Variants in SYT14 observed in about 807,000 individuals in gnomAD.
SYT14 encodes synaptotagmin 14, also known as synaptotagmin-14.
Under a neutral mutation model 74.2 loss-of-function variants are expected in SYT14, and 32 were observed. That is an observed-to-expected ratio of 0.43 (90% CI 0.33 to 0.58). The LOEUF (loss-of-function observed/expected upper bound fraction) is 0.58. Ranked by LOEUF, SYT14 falls within the 20% of genes least tolerant of loss-of-function variation. The pLI, the probability that SYT14 is intolerant of heterozygous loss-of-function variation, is 0.05. For synonymous variants in SYT14, 298 were observed against 337.7 expected, an observed-to-expected ratio of 0.88 and a Z score of 1.29; for missense variants, 791 against 981.8, an observed-to-expected ratio of 0.81 and a Z score of 2.60.
intron 5 of SYT14, among the ~76,000 whole-genome samples, chr1:210,087,726 C>G (rs1200552243): frequency 6.6e-6 from 1 of 152,180 alleles, no homozygotes; most frequent in Non-Finnish European, 1.5e-5. Flanking sequence ...GACTCCACTC[C>G]CTGGTATGGA....
chr1:210,025,880 GA>G (rs2080401130), intron 5 of SYT14, among the ~76,000 whole-genome samples: 1 of 152,056 alleles, frequency 6.6e-6, no homozygotes, highest in Non-Finnish European at 1.5e-5. Context: ...AGTTGACAGC[GA>G]AATTAATGTT....
intron 8 of SYT14, among the ~76,000 whole-genome samples, chr1:210,156,131 G>C (rs1022458515): frequency 1.3e-5 from 2 of 152,002 alleles, no homozygotes; most frequent in East Asian, 3.9e-4. Flanking sequence ...ATTTTTCATA[G>C]TATCTGCAAA....
exon 4 of SYT14, chr1:210,016,102 G>A (rs2080177322): frequency 8.1e-7 from 1 of 1,232,106 alleles, no homozygotes; most frequent in Non-Finnish European, 1.0e-6. Context: ...CTGCTGTTGG[G>A]GAGGTCAGCT....
chr1:210,024,691 A>G (rs149723769), intron 5 of SYT14, among the ~76,000 whole-genome samples: 130 of 152,336 alleles, frequency 8.5e-4, no homozygotes, highest in African/African-American at 2.9e-3. Flanking sequence ...AATAGAAACT[A>G]TGGGCATGAA....
At chr1:210,052,321 C>A (rs1393797740) in intron 5 of SYT14, among the ~76,000 whole-genome samples, 1 of 151,030 alleles carries the variant, frequency 6.6e-6, no homozygotes, top group Non-Finnish European at 1.5e-5. Context: ...CCCGGGTTCA[C>A]GCCATTCTCT....
intron 1 of SYT14, among the ~76,000 whole-genome samples, chr1:209,945,172 A>G (rs2078803460): frequency 6.6e-6 from 1 of 152,136 alleles, no homozygotes; most frequent in Non-Finnish European, 1.5e-5. Context: ...AGTATACAAG[A>G]TGAAAGCTAT....
chr1:209,972,359 TCTA>T (rs2079271239), intron 2 of SYT14, among the ~76,000 whole-genome samples: 1 of 152,018 alleles, frequency 6.6e-6, no homozygotes, highest in South Asian at 2.1e-4. Flanking sequence ...TTCCTTCAGT[TCTA>T]CTCTGATTTT....
intron 4 of SYT14, among the ~76,000 whole-genome samples, chr1:210,018,235 G>A (rs2080228274): frequency 1.3e-5 from 2 of 152,190 alleles, no homozygotes; most frequent in African/African-American, 4.8e-5. Flanking sequence ...CCGGGTTCAA[G>A]CGATTCTCCT....
chr1:210,132,665 C>A (rs1558211596), intron 7 of SYT14, among the ~76,000 whole-genome samples: 1 of 150,832 alleles, frequency 6.6e-6, no homozygotes, highest in Non-Finnish European at 1.5e-5. Context: ...TCAGATAATT[C>A]AGATATTTCC....
chr1:210,140,808 A>G (rs2082899015), intron 7 of SYT14, among the ~76,000 whole-genome samples: 1 of 152,132 alleles, frequency 6.6e-6, no homozygotes, highest in African/African-American at 2.4e-5. Context: ...AATTGCCCAT[A>G]AATGTAAGTT....
At chr1:209,948,741 G>A (rs141446380) in intron 1 of SYT14, among the ~76,000 whole-genome samples, 9 of 151,760 alleles carry the variant, frequency 5.9e-5, no homozygotes, top group East Asian at 3.9e-4. Context: ...ACTTTTGGGC[G>A]TCTCCATTTA....
chr1:209,953,609 G>A (rs1405048847), intron 2 of SYT14, among the ~76,000 whole-genome samples: 1 of 152,112 alleles, frequency 6.6e-6, no homozygotes, highest in Non-Finnish European at 1.5e-5. Flanking sequence ...GGCATGGCAG[G>A]AAAATATCAG....
intron 1 of SYT14, among the ~76,000 whole-genome samples, chr1:209,941,652 C>T (rs915184001): frequency 5.9e-5 from 9 of 152,164 alleles, no homozygotes; most frequent in Non-Finnish European, 8.8e-5. Context: ...TACACATTGC[C>T]GTAATTGCAC....
At chr1:210,145,952 C>T (rs780344930) in intron 7 of SYT14, among the ~76,000 whole-genome samples, 10 of 152,172 alleles carry the variant, frequency 6.6e-5, no homozygotes, top group Non-Finnish European at 1.0e-4. Flanking sequence ...TAGTACAGTG[C>T]TTGTGCTGAA....
At chr1:209,977,387 T>G (rs1167091858) in intron 2 of SYT14, among the ~76,000 whole-genome samples, 2 of 152,236 alleles carry the variant, frequency 1.3e-5, no homozygotes, top group Non-Finnish European at 2.9e-5. Context: ...AGGAGCTCTT[T>G]TAGGGCAGGC....
chr1:210,114,043 G>T (rs1367988076), intron 7 of SYT14, among the ~76,000 whole-genome samples: 3 of 151,408 alleles, frequency 2.0e-5, no homozygotes, highest in Admixed American at 1.3e-4. Context: ...TGGTCCAGGA[G>T]GCTTCTGAGG....
chr1:210,126,261 C>T (rs1043701532), intron 7 of SYT14, among the ~76,000 whole-genome samples: 2 of 151,856 alleles, frequency 1.3e-5, no homozygotes, highest in African/African-American at 4.8e-5. Flanking sequence ...AAAAGTGCTT[C>T]CGTGTACTGG....
At chr1:209,995,365 G>A (rs1488589423) in intron 2 of SYT14, among the ~76,000 whole-genome samples, 6 of 152,084 alleles carry the variant, frequency 3.9e-5, no homozygotes, top group Non-Finnish European at 8.8e-5. Context: ...CATATGTTAA[G>A]CCAATAAAAA....
rs148481999 is a variant in SYT14 at position 210,021,212 on chromosome 1, G to A, written c.1270G>A (p.Ala424Thr). Residue 424 changes from alanine (A) to threonine (T), a missense_variant, in exon 5 of 10, where the codon GCA (alanine) becomes ACA (threonine). Transcript: ENST00000637265. ...AAGGCAGAAATACAGTCCTCTATCGGCAGAGTATGATGGATACAGTAGTGA... is the reference window on the plus strand; with the variant it reads ...AAGGCAGAAATACAGTCCTCTATCGACAGAGTATGATGGATACAGTAGTGA... 47 of 1,613,840 alleles carry A rather than the reference G, an allele frequency of 2.9e-5. No homozygotes were observed. The African/African-American group carries it at 6.0e-4, about 21-fold the overall frequency.
Sources: allele counts gnomAD v4.1 joint callset (sites outside exome capture counted in the v4.1 genomes callset), GRCh38; gene constraint gnomAD v4.1.1; transcripts MANE v1.5; gene names NCBI Gene and HGNC (gene_info 2026-07-23, HGNC 2026-07-21).